The following TMPRSS15 variants were observed in gnomAD, a reference collection of about 807,000 sequenced individuals.
TMPRSS15 encodes transmembrane serine protease 15.
TMPRSS15 carries 128 observed loss-of-function variants against 125.3 expected under a neutral mutation model. The observed-to-expected ratio is 1.02, with a 90% confidence interval of 0.89 to 1.18. TMPRSS15 has a LOEUF of 1.18. Ranked by LOEUF, TMPRSS15 falls within the 50% of genes most tolerant of loss-of-function variation. The pLI is 0.00. For missense variants in TMPRSS15, 1,283 were observed against 1,212.7 expected, an observed-to-expected ratio of 1.06 and a Z score of -0.86; for synonymous variants, 446 against 423.2, an observed-to-expected ratio of 1.05 and a Z score of -0.66.
At chr21:18,463,239 T>C (rs1470366327) in intron 1 of TMPRSS15, among the ~76,000 whole-genome samples, 29 of 15,948 alleles carry the variant, frequency 1.8e-3, no homozygotes, top group Non-Finnish European at 2.0e-3. Flanking sequence ...ACCAAGCAAA[T>C]GGAAAGCAAA....
chr21:18,298,643 G>C (rs1375055129), intron 18 of TMPRSS15, among the ~76,000 whole-genome samples: 1 of 152,012 alleles, frequency 6.6e-6, no homozygotes, highest in Non-Finnish European at 1.5e-5. Context: ...CTTGTTTCTT[G>C]CCTTTTATTT....
chr21:18,456,066 T>G (rs1192360608), intron 1 of TMPRSS15, among the ~76,000 whole-genome samples: 1 of 152,144 alleles, frequency 6.6e-6, no homozygotes, highest in African/African-American at 2.4e-5. Context: ...AAGTAAATCC[T>G]TTAATTAGAA....
chr21:18,440,375 A>AC (rs2076238598), intron 1 of TMPRSS15, among the ~76,000 whole-genome samples: 1 of 133,014 alleles, frequency 7.5e-6, no homozygotes, highest in African/African-American at 2.6e-5. Flanking sequence ...TCCGTCTCAA[A>AC]AAAAAAAAAA....
intron 10 of TMPRSS15, among the ~76,000 whole-genome samples, chr21:18,347,609 AT>A (rs893199543): frequency 1.3e-5 from 2 of 151,546 alleles, no homozygotes; most frequent in African/African-American, 4.9e-5. Flanking sequence ...CACTTTGTTC[AT>A]TTTTTTTCTG....
intron 1 of TMPRSS15, among the ~76,000 whole-genome samples, chr21:18,434,703 T>C: frequency 6.6e-6 from 1 of 152,082 alleles, no homozygotes; most frequent in Non-Finnish European, 1.5e-5. Context: ...ATATTAGCTA[T>C]ATCATTTGAT....
chr21:18,426,563 T>G (rs2076202986), intron 1 of TMPRSS15, among the ~76,000 whole-genome samples: 1 of 152,206 alleles, frequency 6.6e-6, no homozygotes, highest in African/African-American at 2.4e-5. Flanking sequence ...TTTAAACAGC[T>G]CTTCTGAAGC....
intron 1 of TMPRSS15, among the ~76,000 whole-genome samples, chr21:18,485,600 T>C (rs1185622080): frequency 6.6e-6 from 1 of 152,098 alleles, no homozygotes; most frequent in Non-Finnish European, 1.5e-5. Context: ...AATAATTACA[T>C]AGTTTCTCTT....
chr21:18,283,577 T>C lies in TMPRSS15; in HGVS notation c.2487-2356A>G, dbSNP rs375474696. Among the ~76,000 whole-genome samples the C allele has an allele frequency of 2.1e-4, 32 of 151,934 alleles. No homozygotes were observed. The East Asian group carries it at 2.9e-3, about 14-fold the overall frequency. ...ATTATCTATATAAATATTACCTATA[T>C]TAATGAACTATTAATATTTGCTCAC... is the stretch of plus-strand genomic sequence containing the variant. On this transcript the variant is annotated intron_variant, in intron 21 of 24. Coordinates refer to ENST00000284885, the MANE Select transcript of TMPRSS15 (RefSeq NM_002772.3).
chr21:18,464,478 G>T (rs2122911263), intron 1 of TMPRSS15, among the ~76,000 whole-genome samples: 3 of 152,026 alleles, frequency 2.0e-5, no homozygotes, highest in Non-Finnish European at 2.9e-5. Context: ...CCAGGAGCTG[G>T]TTTTTTGAAA....
At chr21:18,353,241 C>T (rs1219644781) in intron 9 of TMPRSS15, among the ~76,000 whole-genome samples, 189 bp from the exon 10 acceptor site, 1 of 151,122 alleles carries the variant, frequency 6.6e-6, no homozygotes, top group African/African-American at 2.4e-5. Context: ...TTTTTGTTGC[C>T]AACTGTGTTA....
At chr21:18,437,015 A>C (rs1261999790) in intron 1 of TMPRSS15, among the ~76,000 whole-genome samples, 1 of 146,680 alleles carries the variant, frequency 6.8e-6, no homozygotes, top group African/African-American at 2.5e-5. Flanking sequence ...CCGCATCGCC[A>C]AGTCAATCCT....
At chr21:18,355,694 A>G (rs911746438) in intron 8 of TMPRSS15, among the ~76,000 whole-genome samples, 10 of 151,888 alleles carry the variant, frequency 6.6e-5, no homozygotes, top group Middle Eastern at 3.4e-3. Context: ...ACTTTTTCCC[A>G]TAAAGATTTG....
intron 1 of TMPRSS15, among the ~76,000 whole-genome samples, chr21:18,471,556 A>G (rs189492301): frequency 5.3e-5 from 8 of 152,212 alleles, no homozygotes; most frequent in African/African-American, 1.9e-4. Context: ...ACAAACCTGC[A>G]GTGCAGAAAT....
chr21:18,419,508 A>T (rs1291017036), intron 1 of TMPRSS15, among the ~76,000 whole-genome samples: 2 of 152,114 alleles, frequency 1.3e-5, no homozygotes, highest in East Asian at 3.9e-4. Flanking sequence ...TACAGATGTG[A>T]GCCAGTGTAC....
rs1601241836 is a variant in TMPRSS15 at position 18,270,089 on chromosome 21, G to A, written c.2940C>T (p.Asn980=). The part of the protein sequence containing the change: ...DSGGPLMCQE[N]NRWFLAGVTS... Reference sequence around the variant, plus strand: ...TCACACCAGCAAGGAACCACCTGTTGTTTTCTTGGCACATTAATGGTCCTC... The same window carrying A: ...TCACACCAGCAAGGAACCACCTGTTATTTTCTTGGCACATTAATGGTCCTC... Residue 980 remains asparagine (N), a synonymous_variant, in exon 25 of 25, where the codon AAC becomes AAT. Transcript: ENST00000284885. 2 of 1,613,800 alleles carry A rather than the reference G, an allele frequency of 1.2e-6. No individual in the cohort carries two copies. Among genetic ancestry groups the A allele is most frequent in the South Asian group, 2.2e-5 (2 of 91,080 alleles).
At chr21:18,390,372 G>A (rs1200360586) in intron 3 of TMPRSS15, among the ~76,000 whole-genome samples, 1 of 152,126 alleles carries the variant, frequency 6.6e-6, no homozygotes, top group Non-Finnish European at 1.5e-5. Context: ...AATATTAATA[G>A]GATGAAGATT....
At position 18,396,635 on chromosome 21, in the gene TMPRSS15, A is replaced by G. The variant is rs549962657; in HGVS notation, c.344+1244T>C. ...TAAAAATACAAAAAATTAGCCGGGT[A>G]TGGTGGCGGGCACCTGTAGTCTCAG... On this transcript the variant is annotated intron_variant, in intron 3 of 24. Coordinates refer to ENST00000284885, the MANE Select transcript of TMPRSS15 (RefSeq NM_002772.3). Among the ~76,000 whole-genome samples, 692 of 151,886 alleles carry G rather than the reference A, an allele frequency of 4.6e-3. 7 individuals carry two copies. Among genetic ancestry groups the G allele is most frequent in the African/African-American group, 0.016 (666 of 41,430 alleles).
chr21:18,324,198 A>T (rs2075267575), intron 16 of TMPRSS15, among the ~76,000 whole-genome samples: 1 of 151,744 alleles, frequency 6.6e-6, no homozygotes, highest in African/African-American at 2.4e-5. Flanking sequence ...ATTAGTTTTG[A>T]TCTGCTTTTA....
At chr21:18,423,077 G>T (rs1005164720) in intron 1 of TMPRSS15, among the ~76,000 whole-genome samples, 1 of 152,188 alleles carries the variant, frequency 6.6e-6, no homozygotes, top group African/African-American at 2.4e-5. Context: ...TTCACCAAAG[G>T]CAGGTTACTC....
Sources: gnomAD v4.1 joint callset for allele counts (sites outside exome capture counted in the v4.1 genomes callset) on GRCh38, gnomAD v4.1.1 for gene constraint, MANE v1.5 for transcripts, NCBI Gene and HGNC (gene_info 2026-07-23, HGNC 2026-07-21) for gene names.